INPP4B: variants seen among roughly 807,000 people sequenced by gnomAD.
The protein encoded by INPP4B is inositol polyphosphate 4-phosphatase type II.
In INPP4B, 55 loss-of-function variants were observed where a neutral mutation model predicts 122.5. The ratio of observed to expected loss-of-function variants is 0.45; its 90% CI spans 0.36 to 0.56. INPP4B has a LOEUF of 0.56. INPP4B is among the 20% of genes least tolerant of loss of function. INPP4B has a pLI of 0.00. For missense variants in INPP4B, 1,000 were observed against 1,097.7 expected (o/e 0.91, Z 1.26); for synonymous variants, 403 against 388.7 (o/e 1.04, Z -0.43).
chr4:142,237,772 A>T (rs1857306472), intron 12 of INPP4B, 92 bp downstream of exon 12: 10 of 709,680 alleles, frequency 1.4e-5, no homozygotes, highest in Admixed American at 6.6e-5. Context: ...CATATTTCAA[A>T]ATGTTGCACA....
chr4:142,467,750 G>A (rs539543171), intron 2 of INPP4B, among the ~76,000 whole-genome samples: 7 of 152,120 alleles, frequency 4.6e-5, no homozygotes, highest in African/African-American at 1.7e-4. Flanking sequence ...TTGGATGTTT[G>A]TCCCCTTCAA....
chr4:142,721,406 G>A (rs113573070), intron 2 of INPP4B, among the ~76,000 whole-genome samples: 3 of 152,284 alleles, frequency 2.0e-5, no homozygotes, highest in African/African-American at 7.2e-5. Flanking sequence ...CTGCAATGAT[G>A]TATGGAGTGG....
In INPP4B at chr4:142,124,664, A is replaced by C. The variant is rs781629661; in HGVS notation, c.1817T>G (p.Leu606Arg). The C allele has an allele frequency of 6.2e-7, 1 of 1,613,408 alleles. No homozygotes were observed. The highest frequency in any genetic ancestry group is 2.2e-5 in the East Asian group (1 of 44,808). The change falls in exon 19 of 26, where the codon CTC becomes CGC. Residue 606 changes from leucine (L) to arginine (R), a missense_variant. Transcript: ENST00000262992. ...CAAGCTGTACGCAAGTTCCTGAAGG[A>C]GCACAAATGTCAGGGACTGCTTGGC... ...NRAKQSLTFV[L>R]LQELAYSLPQ...
chr4:142,206,043 A>G (rs1358858346), intron 14 of INPP4B, among the ~76,000 whole-genome samples: 1 of 152,156 alleles, frequency 6.6e-6, no homozygotes, highest in Non-Finnish European at 1.5e-5. Context: ...TCTAAGATCA[A>G]GGCGCTGGTA....
intron 23 of INPP4B, among the ~76,000 whole-genome samples, chr4:142,086,809 T>C (rs1053115086): frequency 1.3e-5 from 2 of 152,216 alleles, no homozygotes; most frequent in Non-Finnish European, 2.9e-5. Context: ...CAAGTGGTCC[T>C]ACAGTACTAT....
rs6839853 is a variant in INPP4B at position 142,543,544 on chromosome 4, G to A, written c.-190-80818C>T. Among the ~76,000 whole-genome samples, 1,095 of 152,206 alleles carry A rather than the reference G, an allele frequency of 7.2e-3. 10 individuals carry two copies. Among genetic ancestry groups the A allele is most frequent in the African/African-American group, 0.025 (1,034 of 41,524 alleles). ...AGCTAAAAGGTCATTTTACTTCATT[G>A]TAATATAAGTGGTTTTTTCTTAATC... On this transcript the variant is annotated intron_variant, in intron 2 of 25. Transcript: ENST00000262992.
chr4:142,248,245 C>T (rs575247916), intron 11 of INPP4B, among the ~76,000 whole-genome samples: 3 of 151,938 alleles, frequency 2.0e-5, no homozygotes, highest in African/African-American at 7.3e-5. Flanking sequence ...ATTTTTGAAG[C>T]CTTTTCCCCA....
At chr4:142,085,303 G>C (rs558242673) in intron 24 of INPP4B, among the ~76,000 whole-genome samples, 1 of 152,180 alleles carries the variant, frequency 6.6e-6, no homozygotes, top group African/African-American at 2.4e-5. Context: ...GCTATGGCTA[G>C]AGAATGAATA....
At chr4:142,457,841 C>A (rs537527431) in intron 3 of INPP4B, among the ~76,000 whole-genome samples, 1 of 152,260 alleles carries the variant, frequency 6.6e-6, no homozygotes, top group Admixed American at 6.5e-5. Context: ...AGCAATCCTC[C>A]CACCTTGGCC....
intron 10 of INPP4B, among the ~76,000 whole-genome samples, chr4:142,265,975 A>G (rs748944804): frequency 7.2e-5 from 11 of 152,282 alleles, no homozygotes; most frequent in Non-Finnish European, 1.3e-4. Context: ...AGTTTTGAGG[A>G]AAGTGGAAAA....
intron 23 of INPP4B, among the ~76,000 whole-genome samples, chr4:142,093,399 A>G (rs1189262942): frequency 6.6e-6 from 1 of 152,218 alleles, no homozygotes; most frequent in African/African-American, 2.4e-5. Context: ...TTCTGATTTT[A>G]TAACAGTAAA....
At chr4:142,228,067 C>G (rs560980237) in intron 12 of INPP4B, among the ~76,000 whole-genome samples, 1 of 151,832 alleles carries the variant, frequency 6.6e-6, no homozygotes, top group East Asian at 1.9e-4. Flanking sequence ...AAAATGGAAA[C>G]ATGCACGTCA....
intron 2 of INPP4B, among the ~76,000 whole-genome samples, chr4:142,487,682 G>A (rs541656753): frequency 1.4e-4 from 21 of 152,124 alleles, no homozygotes; most frequent in South Asian, 4.1e-4. Context: ...AGTATTTTAC[G>A]TTTGGGGGAT....
chr4:142,392,248 C>G (rs149151361), intron 7 of INPP4B, among the ~76,000 whole-genome samples: 70 of 152,230 alleles, frequency 4.6e-4, no homozygotes, highest in African/African-American at 1.6e-3. Flanking sequence ...AAGATGGGAT[C>G]CTTGATGTGA....
intron 23 of INPP4B, among the ~76,000 whole-genome samples, chr4:142,089,368 C>T (rs1461633588): frequency 1.3e-5 from 2 of 150,750 alleles, no homozygotes; most frequent in African/African-American, 2.4e-5. Flanking sequence ...CATAACAATG[C>T]AATTTTAATT....
intron 1 of INPP4B, among the ~76,000 whole-genome samples, chr4:142,768,423 A>G (rs1223116265): frequency 6.6e-6 from 1 of 152,200 alleles, no homozygotes; most frequent in African/African-American, 2.4e-5. Flanking sequence ...CACTCTGCCC[A>G]GAGGTCATAG....
In INPP4B at chr4:142,356,316, G is replaced by A. The variant is rs1350964037; in HGVS notation, c.373-41554C>T. On this transcript the variant is annotated intron_variant, in intron 7 of 25. Coordinates refer to ENST00000262992, the MANE Select transcript of INPP4B (RefSeq NM_001101669.3). The stretch of plus-strand genomic sequence containing the variant: ...GAAAATAAGAAAGGGTAATTCAACT[G>A]TGTAAGAATGAGAATGTACAGAGAT... Among the ~76,000 whole-genome samples the A allele has an allele frequency of 2.0e-5, 3 of 150,512 alleles. No individual in the cohort carries two copies. The South Asian group carries it at 6.4e-4, about 32-fold the overall frequency.
intron 8 of INPP4B, among the ~76,000 whole-genome samples, chr4:142,307,600 T>A (rs1225207796): frequency 6.6e-6 from 1 of 152,208 alleles, no homozygotes; most frequent in Non-Finnish European, 1.5e-5. Flanking sequence ...AAACTACTGT[T>A]CACTGAAATG....
intron 1 of INPP4B, among the ~76,000 whole-genome samples, chr4:142,738,298 T>A (rs1767317239): frequency 6.6e-6 from 1 of 152,186 alleles, no homozygotes; most frequent in African/African-American, 2.4e-5. Flanking sequence ...GATGAGTTCA[T>A]GTCCTTTGTA....
Sources: allele counts gnomAD v4.1 joint callset (sites outside exome capture counted in the v4.1 genomes callset), GRCh38; gene constraint gnomAD v4.1.1; transcripts MANE v1.5; gene names NCBI Gene and HGNC (gene_info 2026-07-23, HGNC 2026-07-21).